TENM1: variants seen among roughly 807,000 people sequenced by gnomAD.
TENM1 encodes teneurin transmembrane protein 1.
In TENM1, 35 loss-of-function variants were observed where a neutral mutation model predicts 174.8. That is an observed-to-expected ratio of 0.20 (90% CI 0.15 to 0.27). The LOEUF (loss-of-function observed/expected upper bound fraction) is 0.27. Ranked by LOEUF, TENM1 falls within the 10% of genes least tolerant of loss-of-function variation. The probability of loss-of-function intolerance (pLI) is 1.00; values close to 1 mark genes in which losing one functional copy is unlikely to be tolerated. For missense variants in TENM1, 1,633 were observed against 2,130.1 expected (o/e 0.77, Z 4.59); for synonymous variants, 781 against 798.7 (o/e 0.98, Z 0.37).
the TENM1 span, among the ~76,000 whole-genome samples, chrX:125,005,197 C>T: frequency 4.2e-5 from 3 of 71,602 alleles, no homozygotes; most frequent in African/African-American, 1.5e-4. Context: ...CATACACACA[C>T]ACACACACAC....
At chrX:124,788,862 G>C (rs1209643155) in intron 3 of TENM1, among the ~76,000 whole-genome samples, 1 of 111,943 alleles carries the variant, frequency 8.9e-6, no homozygotes. Flanking sequence ...TACAATTCTG[G>C]GGTATGGAGG....
chrX:124,657,495 C>T (rs1276687997), intron 6 of TENM1, among the ~76,000 whole-genome samples: 1 of 111,311 alleles, frequency 9.0e-6, no homozygotes, highest in East Asian at 2.8e-4. Context: ...TGTGCAGTGG[C>T]GGTATCACCT....
At chrX:124,842,084 T>C (rs2056513462) in intron 3 of TENM1, among the ~76,000 whole-genome samples, 1 of 111,643 alleles carries the variant, frequency 9.0e-6, no homozygotes, top group Non-Finnish European at 1.9e-5. Flanking sequence ...GACAAGTCTT[T>C]CCCTTCATTT....
intron 3 of TENM1, among the ~76,000 whole-genome samples, chrX:124,825,407 C>T (rs778176407): frequency 2.8e-5 from 3 of 108,919 alleles, no homozygotes; most frequent in Non-Finnish European, 5.7e-5. Flanking sequence ...TCAAGTGATC[C>T]ACCCGCTTCA....
chrX:124,970,979 C>A, the TENM1 span, among the ~76,000 whole-genome samples: 3 of 109,167 alleles, frequency 2.7e-5, no homozygotes, highest in Non-Finnish European at 5.7e-5. Context: ...AGTTCATGTC[C>A]TTTGTAGGGA....
At chrX:124,894,239 T>C (rs2057522658) in intron 3 of TENM1, 57 bp downstream of exon 6, 1 of 963,771 alleles carries the variant, frequency 1.0e-6, no homozygotes, top group East Asian at 3.2e-5. Context: ...GGGGGTAGGG[T>C]GCCAGGGATG....
intron 11 of TENM1, among the ~76,000 whole-genome samples, chrX:124,590,497 A>G: frequency 9.0e-6 from 1 of 111,109 alleles, no homozygotes; most frequent in Non-Finnish European, 1.9e-5. Context: ...AAACAAATGG[A>G]AGAACATTCC....
chrX:125,186,577 GAA>G, the TENM1 span, among the ~76,000 whole-genome samples: 3 of 93,604 alleles, frequency 3.2e-5, no homozygotes, highest in African/African-American at 3.9e-5. Flanking sequence ...AATGCTGGTT[GAA>G]AAAAAAAAAA....
At chrX:125,039,500 C>T in the TENM1 span, among the ~76,000 whole-genome samples, 413 of 110,440 alleles carry the variant, frequency 3.7e-3, 3 homozygotes, top group Middle Eastern at 0.018. Context: ...AGTATATATT[C>T]TAATTGTCTT....
At chrX:124,394,241 TC>T (rs2060311078) in intron 27 of TENM1, among the ~76,000 whole-genome samples, 1 of 112,441 alleles carries the variant, frequency 8.9e-6, no homozygotes, top group Non-Finnish European at 1.9e-5. Flanking sequence ...CACTAGCTAC[TC>T]AACTAAACTT....
chrX:124,664,679 G>GGTGTGTGTGTGTGT (rs576286188), intron 6 of TENM1, among the ~76,000 whole-genome samples: 10 of 86,972 alleles, frequency 1.1e-4, no homozygotes, highest in African/African-American at 3.9e-4. Context: ...GTACTTGTGG[G>GGTGTGTGTGTGTGT]GTGTGTGTGT....
chrX:125,129,007 C>T, the TENM1 span, among the ~76,000 whole-genome samples: 1,453 of 110,733 alleles, frequency 0.013, 27 homozygotes, highest in African/African-American at 0.045. Context: ...ATGCCATGAT[C>T]CAACAGGATT....
At chrX:125,013,293 C>T in the TENM1 span, among the ~76,000 whole-genome samples, 2 of 111,528 alleles carry the variant, frequency 1.8e-5, no homozygotes, top group East Asian at 2.8e-4. Flanking sequence ...AACTACAAAA[C>T]GATTGCTTTA....
chrX:124,713,124 C>T (rs1435135983), intron 4 of TENM1, among the ~76,000 whole-genome samples: 4 of 111,841 alleles, frequency 3.6e-5, no homozygotes, highest in African/African-American at 1.3e-4. Context: ...CCGTCCACAT[C>T]GTTCATAATT....
At chrX:124,909,106 G>A (rs942832548) in intron 1 of TENM1, among the ~76,000 whole-genome samples, 2 of 112,096 alleles carry the variant, frequency 1.8e-5, no homozygotes, top group Admixed American at 9.5e-5. Flanking sequence ...TGATATGCCC[G>A]CCTCGGCCTC....
chrX:124,474,067 A>G (rs750150765), intron 22 of TENM1, among the ~76,000 whole-genome samples: 16 of 111,171 alleles, frequency 1.4e-4, no homozygotes, highest in Middle Eastern at 4.6e-3. Flanking sequence ...AGAAATTATC[A>G]AGTCTCAGAT....
chrX:124,391,687 A>G (rs1030014418), intron 28 of TENM1, among the ~76,000 whole-genome samples: 1 of 112,068 alleles, frequency 8.9e-6, no homozygotes, highest in African/African-American at 3.2e-5. Context: ...GCCCTTTACC[A>G]GAGCTGAGTA....
At chrX:125,179,194 T>G in the TENM1 span, among the ~76,000 whole-genome samples, 1 of 111,768 alleles carries the variant, frequency 8.9e-6, no homozygotes, top group South Asian at 3.8e-4. Flanking sequence ...CTCCCAGAGT[T>G]GTACTTTCAC....
At chrX:124,423,997 G>C (rs959671940) in intron 23 of TENM1, among the ~76,000 whole-genome samples, 1 of 112,060 alleles carries the variant, frequency 8.9e-6, no homozygotes, top group African/African-American at 3.2e-5. Flanking sequence ...GAATGCTTAC[G>C]CACAGAGGGA....
Sources: allele counts gnomAD v4.1 joint callset (sites outside exome capture counted in the v4.1 genomes callset), GRCh38; gene constraint gnomAD v4.1.1; transcripts MANE v1.5; gene names NCBI Gene and HGNC (gene_info 2026-07-23, HGNC 2026-07-21).